The following AEBP1 variants were observed in gnomAD, a reference collection of about 807,000 sequenced individuals.
The protein encoded by AEBP1 is adipocyte enhancer-binding protein 1.
AEBP1 carries 69 observed loss-of-function variants against 116.5 expected under a neutral mutation model. That is an observed-to-expected ratio of 0.59 (90% CI 0.49 to 0.72). The LOEUF (loss-of-function observed/expected upper bound fraction) is 0.72, where lower values mean the gene tolerates loss of function less well. Among genes scored for constraint, AEBP1 ranks in the 30% least tolerant of loss-of-function variants. The pLI, the probability that AEBP1 is intolerant of heterozygous loss-of-function variation, is 0.00. For missense variants in AEBP1, 1,444 were observed against 1,557.5 expected (o/e 0.93, Z 1.23); for synonymous variants, 627 against 627.3 (o/e 1.00, Z 0.01).
chr7:44,113,194 G>T lies in AEBP1; in HGVS notation c.2710-58G>T, dbSNP rs567438595. ...CACAGGCTCCTGGATGGGCGGGAGGGAGCAGCGGACCACATTGGACCTTCC... is the reference window on the plus strand; with the variant it reads ...CACAGGCTCCTGGATGGGCGGGAGGTAGCAGCGGACCACATTGGACCTTCC... On this transcript the variant is annotated intron_variant, in intron 19 of 20. Coordinates refer to ENST00000223357, the MANE Select transcript of AEBP1 (RefSeq NM_001129.5). This position sits in a 1 kb window ranked among gnomAD's most constrained non-coding sequence, Gnocchi z 5.3. The T allele has an allele frequency of 1.6e-4, 264 of 1,613,208 alleles. 2 individuals are homozygous for T. In the Middle Eastern group the frequency reaches 5.1e-3, roughly 31 times the overall value.
At chr7:44,109,677 C>T in intron 9 of AEBP1, 1 of 567,620 alleles carries the variant, frequency 1.8e-6, no homozygotes. Context: ...CAGACGGTCC[C>T]CATCTGGATG....
Position 44,108,094 on chromosome 7 carries a change from C to G in AEBP1, c.940+10C>G. 6.3e-7 allele frequency: 1 copy of G among 1,594,526 alleles called. No homozygotes were observed. Among genetic ancestry groups the G allele is most frequent in the Non-Finnish European group, 8.5e-7 (1 of 1,171,908 alleles). Reference sequence around the variant, plus strand: ...CCCAACTACGATGACAGTGAGTACCCAGCACCCCAGAGTCTGAGGGACATA... The same window carrying G: ...CCCAACTACGATGACAGTGAGTACCGAGCACCCCAGAGTCTGAGGGACATA... On this transcript the variant is annotated intron_variant, in intron 6 of 20. Transcript: ENST00000223357. This position sits in a 1 kb window ranked among gnomAD's most constrained non-coding sequence, Gnocchi z 5.0.
rs777461260 is a variant in AEBP1, at chr7:44,104,878, G to T, written c.213G>T (p.Ala71=). ...EPTPRVRKAQ[A]GGKPGKRPGT... Reference sequence around the variant, plus strand: ...CCCCGCGGGTCCGAAAAGCCCAGGCGGGGGGCAAGCCAGGGAAGCGGCCAG... The same window carrying T: ...CCCCGCGGGTCCGAAAAGCCCAGGCTGGGGGCAAGCCAGGGAAGCGGCCAG... The change falls in exon 1 of 21, where the codon GCG becomes GCT. Residue 71 remains alanine (A), a synonymous_variant. Transcript: ENST00000223357. 100 of 1,560,198 alleles carry T rather than the reference G, an allele frequency of 6.4e-5. No homozygotes were observed. Among genetic ancestry groups the T allele is most frequent in the Admixed American group, 6.3e-4 (33 of 52,238 alleles).
Position 44,112,420 on chromosome 7 carries a change from C to G in AEBP1, c.2217+99C>G. On this transcript the variant is annotated intron_variant, in intron 17 of 20. Transcript: ENST00000223357. The surrounding 1 kb of genome is among the most constrained non-coding windows in gnomAD (Gnocchi z 6.6). ...GGTGGGGCTGACGGTGCCTGAACTC[C>G]AGACGCTGAGGCTCTGGGGGTTGGG... The G allele has an allele frequency of 7.0e-7, 1 of 1,431,252 alleles. No individual in the cohort carries two copies. Among genetic ancestry groups the G allele is most frequent in the Non-Finnish European group, 9.4e-7 (1 of 1,067,338 alleles). 88.7% of individuals were successfully genotyped at this position (1,431,252 alleles called of 1,614,324 possible).
At chr7:44,105,001 C>G in intron 1 of AEBP1, 83 bp downstream of exon 1, 1 of 1,159,578 alleles carries the variant, frequency 8.6e-7, no homozygotes, top group Non-Finnish European at 1.2e-6. Flanking sequence ...CTGGCCACTC[C>G]CCAGTCTGCT....
Position 44,110,899 on chromosome 7 carries a change from C to T in AEBP1, c.1486-14C>T. 1.2e-6 allele frequency: 2 copies of T among 1,613,814 alleles called. No individual in the cohort carries two copies. Among genetic ancestry groups the T allele is most frequent in the East Asian group, 2.2e-5 (1 of 44,884 alleles). On this transcript the variant is annotated splice_polypyrimidine_tract_variant and intron_variant, in intron 12 of 20. Coordinates refer to ENST00000223357, the MANE Select transcript of AEBP1 (RefSeq NM_001129.5). ...GGGGCTGGCAGTACTGCTCTGAGGC[C>T]TGCCTCTCCCCAGACCTTTCATGGG...
rs763799250 is a variant in AEBP1, at chr7:44,111,844, G to A, written c.1841-10G>A. 1.4e-5 allele frequency: 23 copies of A among 1,610,204 alleles called. No individual in the cohort carries two copies. Among genetic ancestry groups the A allele is most frequent in the Admixed American group, 5.0e-5 (3 of 59,686 alleles). ...AGACTGAGTGCTCACTGAGGCTCCC[G>A]CCCTTGCAGGGGAGCCCGAGTTCCG... On this transcript the variant is annotated splice_polypyrimidine_tract_variant and intron_variant, in intron 15 of 20. Coordinates refer to ENST00000223357, the MANE Select transcript of AEBP1 (RefSeq NM_001129.5). The surrounding 1 kb of genome is among the most constrained non-coding windows in gnomAD (Gnocchi z 4.7).
rs775426211 is a variant in AEBP1, at chr7:44,111,085, T to C, written c.1630+28T>C. 7.5e-6 allele frequency: 12 copies of C among 1,598,564 alleles called. No individual in the cohort carries two copies. Among genetic ancestry groups the C allele is most frequent in the Non-Finnish European group, 9.4e-6 (11 of 1,170,582 alleles). ...GAGTGTGGAGGGCTGGCAGGGGCTC[T>C]GAGTGGAGGTGGGGTGCTAGGGTGG... On this transcript the variant is annotated intron_variant, in intron 13 of 20. Coordinates refer to ENST00000223357, the MANE Select transcript of AEBP1 (RefSeq NM_001129.5). The surrounding 1 kb of genome is among the most constrained non-coding windows in gnomAD (Gnocchi z 4.7).
rs754592352 is a variant in AEBP1, at chr7:44,110,056, A to G, written c.1192A>G (p.Asn398Asp). 8 of 1,612,946 alleles carry G rather than the reference A, an allele frequency of 5.0e-6. No individual in the cohort carries two copies. The highest frequency in any genetic ancestry group is 6.8e-6 in the Non-Finnish European group (8 of 1,180,012). ...GATGGAGTCACACCGTATTGAGGAC[A>G]ACCAGATCCGAGCCTCCTCCATGCT... ...IGMESHRIED[N>D]QIRASSMLRH... The change falls in exon 10 of 21, where the codon AAC (asparagine) becomes GAC (aspartate). Residue 398 changes from asparagine to aspartate, a missense_variant. Coordinates refer to ENST00000223357, the MANE Select transcript of AEBP1 (RefSeq NM_001129.5).
chr7:44,112,435 T>TG lies in AEBP1; in HGVS notation c.2218-118dup. 1 of 1,390,408 alleles carries TG rather than the reference T, an allele frequency of 7.2e-7. No homozygotes were observed. Among genetic ancestry groups the TG allele is most frequent in the Non-Finnish European group, 9.7e-7 (1 of 1,031,662 alleles). 86.1% of individuals were successfully genotyped at this position (1,390,408 alleles called of 1,614,324 possible). A position where few individuals can be genotyped will look rare whatever the true frequency, so the allele number is the denominator to read the frequency against. ...GCCTGAACTCCAGACGCTGAGGCTC[T>TG]GGGGGTTGGGGGACAGGGGATCGTG... On this transcript the variant is annotated intron_variant, in intron 17 of 20. Transcript: ENST00000223357. This position sits in a 1 kb window ranked among gnomAD's most constrained non-coding sequence, Gnocchi z 6.6.
rs1221090645 is a variant in AEBP1, at chr7:44,111,017, C to G, written c.1590C>G (p.Ser530Arg). 9 of 1,613,652 alleles carry G rather than the reference C, an allele frequency of 5.6e-6. No individual in the cohort carries two copies. Among genetic ancestry groups the G allele is most frequent in the Non-Finnish European group, 7.6e-6 (9 of 1,179,800 alleles). ...IRIYPLTWNGSLCMRLEVLGC... is the reference protein window; with the variant it reads ...IRIYPLTWNGRLCMRLEVLGC... Reference sequence around the variant, plus strand: ...TCTACCCACTCACCTGGAATGGCAGCCTGTGCATGCGCCTGGAGGTGCTGG... The same window carrying G: ...TCTACCCACTCACCTGGAATGGCAGGCTGTGCATGCGCCTGGAGGTGCTGG... Residue 530 changes from serine to arginine, a missense_variant, in exon 13 of 21, where the codon AGC becomes AGG. Transcript: ENST00000223357. This position sits in a 1 kb window ranked among gnomAD's most constrained non-coding sequence, Gnocchi z 4.7.
Position 44,114,511 on chromosome 7 carries a change from G to A in AEBP1, c.*250G>A. On this transcript the variant is annotated 3_prime_UTR_variant, in exon 21 of 21. Transcript: ENST00000223357. ...ATGGGGTTGCTGCAGTGTTGGAGTAGGGGCAGAGGGAGGGAGCCAAGGTCA... is the reference window on the plus strand; with the variant it reads ...ATGGGGTTGCTGCAGTGTTGGAGTAAGGGCAGAGGGAGGGAGCCAAGGTCA... 1.6e-6 allele frequency: 1 copy of A among 621,742 alleles called. No individual in the cohort carries two copies. The highest frequency in any genetic ancestry group is 2.8e-6 in the Non-Finnish European group (1 of 358,512). The allele number at this position is 621,742 out of a possible 1,614,324, so 38.5% of individuals were successfully genotyped here.
At position 44,104,353 on chromosome 7, in the gene AEBP1, T is replaced by G; in HGVS notation, c.-313T>G. 1 of 193,236 alleles carries G rather than the reference T, an allele frequency of 5.2e-6. No homozygotes were observed. The highest frequency in any genetic ancestry group is 1.0e-5 in the Non-Finnish European group (1 of 95,452). The allele number at this position is 193,236 out of a possible 1,614,324, so 12.0% of individuals were successfully genotyped here. A position where few individuals can be genotyped will look rare whatever the true frequency, so the allele number is the denominator to read the frequency against. On this transcript the variant is annotated 5_prime_UTR_variant, in exon 1 of 21. Transcript: ENST00000223357. ...CCCCCGCCCCGGGCCCCGCCAGCGC[T>G]TTGGAGACGGCTATCCGCGCGGGAG...
Position 44,104,735 on chromosome 7 carries a change from C to T in AEBP1, c.70C>T (p.Arg24Cys). 6.2e-7 allele frequency: 1 copy of T among 1,611,090 alleles called. No homozygotes were observed. Among genetic ancestry groups the T allele is most frequent in the South Asian group, 1.1e-5 (1 of 90,952 alleles). ...LALLALCPGG[R>C]PQTVLTDDEI... is the part of the protein sequence containing the mutation. ...GTTGCTGGCCCTGTGCCCTGGAGGG[C>T]GCCCGCAGACGGTGCTGACCGACGA... Residue 24 changes from arginine (R) to cysteine (C), a missense_variant, in exon 1 of 21, where the codon CGC becomes TGC. By Grantham distance (180) the Arg-to-Cys change is radical (BLOSUM62 -3). Transcript: ENST00000223357.
rs145586647 is a variant in AEBP1 at position 44,113,025 on chromosome 7, C to A, written c.2604C>A (p.Cys868Ter). Residue 868 changes from cysteine (C) to a stop codon, truncating the protein, a stop_gained, in exon 19 of 21, where the codon TGC becomes TGA. Transcript: ENST00000223357. LOFTEE classifies it high-confidence loss of function. The surrounding 1 kb of genome is among the most constrained non-coding windows in gnomAD (Gnocchi z 5.3). ...INDFSYLHTN[C>*]LELSFYLGCD... ...ACTTCAGTTACCTGCATACCAACTGCCTGGAGCTCTCCTTCTACCTGGGCT... is the reference window on the plus strand; with the variant it reads ...ACTTCAGTTACCTGCATACCAACTGACTGGAGCTCTCCTTCTACCTGGGCT... 12 of 1,613,978 alleles carry A rather than the reference C, an allele frequency of 7.4e-6. No homozygotes were observed. Among genetic ancestry groups the A allele is most frequent in the Non-Finnish European group, 9.3e-6 (11 of 1,180,020 alleles).
At chr7:44,109,765 G>A (rs755194814) in intron 9 of AEBP1, 21 of 581,726 alleles carry the variant, frequency 3.6e-5, no homozygotes, top group Middle Eastern at 2.6e-4. Flanking sequence ...TGGTCAGCCC[G>A]TTCTCCAGAT....
chr7:44,112,849 C>T lies in AEBP1; in HGVS notation c.2509C>T (p.Gln837Ter). Residue 837 changes from glutamine (Q) to a stop codon, truncating the protein, a stop_gained, in exon 18 of 21, where the codon CAG becomes TAG. Transcript: ENST00000223357. LOFTEE classifies it high-confidence loss of function. The surrounding 1 kb of genome is among the most constrained non-coding windows in gnomAD (Gnocchi z 6.6). The part of the protein sequence containing the change: ...TEPYRGGCQA[Q>*]DYTGGMGIVN... ...GCCCTACCGCGGAGGCTGCCAAGCC[C>T]AGGACTACACCGGCGGCATGGGCAT... 1 of 1,612,614 alleles carries T rather than the reference C, an allele frequency of 6.2e-7. No individual in the cohort carries two copies. The highest frequency in any genetic ancestry group is 1.1e-5 in the South Asian group (1 of 91,074).
chr7:44,104,354 T>G lies in AEBP1; in HGVS notation c.-312T>G. ...CCCCGCCCCGGGCCCCGCCAGCGCT[T>G]TGGAGACGGCTATCCGCGCGGGAGT... On this transcript the variant is annotated 5_prime_UTR_variant, in exon 1 of 21. Transcript: ENST00000223357. 1 of 193,382 alleles carries G rather than the reference T, an allele frequency of 5.2e-6. No individual in the cohort carries two copies. Among genetic ancestry groups the G allele is most frequent in the Non-Finnish European group, 1.0e-5 (1 of 95,480 alleles). 12.0% of individuals were successfully genotyped at this position (193,382 alleles called of 1,614,324 possible). A position where few individuals can be genotyped will look rare whatever the true frequency, so the allele number is the denominator to read the frequency against.
chr7:44,112,109 G>A lies in AEBP1; in HGVS notation c.2038-33G>A, dbSNP rs767629701. On this transcript the variant is annotated intron_variant, in intron 16 of 20. Transcript: ENST00000223357. This position sits in a 1 kb window ranked among gnomAD's most constrained non-coding sequence, Gnocchi z 6.6. Reference sequence around the variant, plus strand: ...GCAGCTGGGGGTTGTGGGGGTGTGGGTAGCCGATGCCTACCCTGCTGGCTC... The same window carrying A: ...GCAGCTGGGGGTTGTGGGGGTGTGGATAGCCGATGCCTACCCTGCTGGCTC... The A allele has an allele frequency of 6.3e-7, 1 of 1,599,474 alleles. No homozygotes were observed. Among genetic ancestry groups the A allele is most frequent in the Non-Finnish European group, 8.6e-7 (1 of 1,169,586 alleles).
Sources: allele counts gnomAD v4.1 joint callset, GRCh38; gene constraint gnomAD v4.1.1; non-coding constraint Gnocchi (gnomAD v3.1); transcripts MANE v1.5; gene names NCBI Gene and HGNC (gene_info 2026-07-23, HGNC 2026-07-21).